The following WDR25 variants were observed in gnomAD, a reference collection of about 807,000 sequenced individuals.
The protein encoded by WDR25 is WD repeat-containing protein 25.
WDR25 carries 35 observed loss-of-function variants against 47.7 expected under a neutral mutation model. That is an observed-to-expected ratio of 0.73 (90% confidence interval 0.56 to 0.97). The LOEUF (loss-of-function observed/expected upper bound fraction) is 0.97, where lower values mean the gene tolerates loss of function less well. Among genes scored for constraint, WDR25 ranks in the 50% least tolerant of loss-of-function variants. The probability of loss-of-function intolerance (pLI) is 0.00; values close to 1 mark genes in which losing one functional copy is unlikely to be tolerated. For missense variants in WDR25, 634 were observed against 704.7 expected (o/e 0.90, Z 1.14); for synonymous variants, 248 against 278.9 (o/e 0.89, Z 1.10).
chr14:100,526,031 G>T lies in WDR25; in HGVS notation c.1263G>T (p.Gln421His). 6.2e-7 allele frequency: 1 copy of T among 1,614,016 alleles called. No homozygotes were observed. The change falls in exon 5 of 7, where the codon CAG becomes CAT. Residue 421 changes from glutamine to histidine, a missense_variant. Gln to His is a conservative substitution (Grantham distance 24). Transcript: ENST00000402312. ...GGACCTCTGCCAAAATCTCCAACCA[G>T]ATTTTCCACGTAAGAAATCCCATTT... Reference protein sequence around the residue: ...DFRTSAKISNQIFHERFTCPS... With the variant: ...DFRTSAKISNHIFHERFTCPS...
At chr14:100,413,692 C>T (rs1002656518) in intron 2 of WDR25, among the ~76,000 whole-genome samples, 7 of 152,166 alleles carry the variant, frequency 4.6e-5, no homozygotes, top group Non-Finnish European at 7.4e-5. Context: ...GGATTACAGG[C>T]GTGAGCCACC....
At chr14:100,450,756 T>C (rs1899002137) in intron 2 of WDR25, among the ~76,000 whole-genome samples, 2 of 152,164 alleles carry the variant, frequency 1.3e-5, no homozygotes, top group Non-Finnish European at 2.9e-5. Flanking sequence ...CCCGCAGTTA[T>C]TGAGAGAGGG....
chr14:100,522,676 G>A (rs2029916940), intron 4 of WDR25, among the ~76,000 whole-genome samples: 1 of 152,208 alleles, frequency 6.6e-6, no homozygotes, highest in Admixed American at 6.5e-5. Context: ...TCAGCTGGAG[G>A]TCCTGTTGTT....
At chr14:100,436,485 G>A (rs1253434167) in intron 2 of WDR25, among the ~76,000 whole-genome samples, 1 of 152,196 alleles carries the variant, frequency 6.6e-6, no homozygotes, top group Non-Finnish European at 1.5e-5. Flanking sequence ...TGTTTTGATG[G>A]CATCTTAATG....
intron 2 of WDR25, chr14:100,454,361 G>A (rs942266800): frequency 9.3e-6 from 12 of 1,286,210 alleles, no homozygotes; most frequent in Non-Finnish European, 1.1e-5. Context: ...TATGTGTATG[G>A]CAGGTGTGAG....
intron 2 of WDR25, among the ~76,000 whole-genome samples, chr14:100,467,678 G>T (rs996758051): frequency 1.3e-5 from 2 of 151,946 alleles, no homozygotes; most frequent in Non-Finnish European, 2.9e-5. Context: ...TAGAGAAAAG[G>T]TTTCACCATG....
chr14:100,389,515 G>C (rs1359073723), intron 2 of WDR25, among the ~76,000 whole-genome samples: 1 of 152,156 alleles, frequency 6.6e-6, no homozygotes, highest in Non-Finnish European at 1.5e-5. Flanking sequence ...CTCATATACT[G>C]GGGGGAGTGG....
Position 100,503,226 on chromosome 14 carries a change from T to A in WDR25, c.1101+19102T>A, listed in dbSNP as rs536781885. Among the ~76,000 whole-genome samples the A allele has an allele frequency of 9.9e-5, 15 of 152,172 alleles. No individual in the cohort carries two copies. The East Asian group carries it at 2.9e-3, about 30-fold the overall frequency. The stretch of plus-strand genomic sequence containing the variant: ...TTAGAGATAAGGGAGACCTCCCCAG[T>A]CACGCCCAGCATGCTGTCACCATTG... On this transcript the variant is annotated intron_variant, in intron 4 of 6. Coordinates refer to ENST00000402312, the MANE Select transcript of WDR25 (RefSeq NM_001161476.3).
rs368521904 is a variant in WDR25 at position 100,392,084 on chromosome 14, CAT to C, written c.822+10339_822+10340del. ...TATAAGAATGTGCTATTTCTGTTAA[CAT>C]GTGGGGGGTTTGTTACTGTTACTTT... On this transcript the variant is annotated intron_variant, in intron 2 of 6. Coordinates refer to ENST00000402312, the MANE Select transcript of WDR25 (RefSeq NM_001161476.3). The surrounding 1 kb of genome is among the most constrained non-coding windows in gnomAD (Gnocchi z 4.2). 3.6e-3 allele frequency among the ~76,000 whole-genome samples: 546 copies of C among 152,280 alleles called. 1 individual carries two copies. Among genetic ancestry groups the C allele is most frequent in the Admixed American group, 0.011 (161 of 15,294 alleles).
At chr14:100,473,074 T>G (rs1899898494) in intron 3 of WDR25, among the ~76,000 whole-genome samples, 1 of 152,216 alleles carries the variant, frequency 6.6e-6, no homozygotes, top group Non-Finnish European at 1.5e-5. Context: ...GTCTCTCCCT[T>G]GTTTTCAATC....
At chr14:100,510,460 G>C (rs1901269329) in intron 4 of WDR25, among the ~76,000 whole-genome samples, 1 of 150,714 alleles carries the variant, frequency 6.6e-6, no homozygotes, top group African/African-American at 2.4e-5. Context: ...TTTTGGCCGG[G>C]CACAGTGGTT....
At chr14:100,476,079 G>A (rs1370229817) in intron 3 of WDR25, among the ~76,000 whole-genome samples, 5 of 152,180 alleles carry the variant, frequency 3.3e-5, no homozygotes, top group African/African-American at 7.2e-5. Flanking sequence ...CCTATCAGTT[G>A]TCTGGGGCTT....
intron 3 of WDR25, among the ~76,000 whole-genome samples, chr14:100,479,572 C>T (rs141293234): frequency 3.9e-5 from 6 of 152,164 alleles, no homozygotes; most frequent in Non-Finnish European, 8.8e-5. Flanking sequence ...TCCTTGATGA[C>T]TTAAAAAATC....
At chr14:100,396,679 G>A (rs887812407) in intron 2 of WDR25, among the ~76,000 whole-genome samples, 2 of 152,218 alleles carry the variant, frequency 1.3e-5, no homozygotes, top group African/African-American at 2.4e-5. Context: ...AGCTGCCCAG[G>A]GAGGAGATGA....
At chr14:100,486,941 G>A (rs1900406815) in intron 4 of WDR25, among the ~76,000 whole-genome samples, 1 of 152,134 alleles carries the variant, frequency 6.6e-6, no homozygotes, top group Admixed American at 6.5e-5. Context: ...AGTCCAAGCA[G>A]CCAAAGGTAA....
At position 100,488,613 on chromosome 14, in the gene WDR25, A is replaced by G. The variant is rs921010960; in HGVS notation, c.1101+4489A>G. 6.6e-6 allele frequency among the ~76,000 whole-genome samples: 1 copy of G among 152,174 alleles called. No individual in the cohort carries two copies. Among genetic ancestry groups the G allele is most frequent in the Non-Finnish European group, 1.5e-5 (1 of 68,024 alleles). ...GTAGGAGAGCACCTGGGCTCTTGTT[A>G]GGATGCAGATTCTGTTTCAGCAGGT... is the stretch of plus-strand genomic sequence containing the variant. On this transcript the variant is annotated intron_variant, in intron 4 of 6. Transcript: ENST00000402312. This position sits in a 1 kb window ranked among gnomAD's most constrained non-coding sequence, Gnocchi z 4.2.
In WDR25 at chr14:100,529,461, G is replaced by A. The variant is rs188787750; in HGVS notation, c.1413+253G>A. On this transcript the variant is annotated intron_variant, in intron 6 of 6. Coordinates refer to ENST00000402312, the MANE Select transcript of WDR25 (RefSeq NM_001161476.3). The surrounding 1 kb of genome is among the most constrained non-coding windows in gnomAD (Gnocchi z 5.1). The stretch of plus-strand genomic sequence containing the variant: ...CACAGACAGGTCTCAGAAGTGGGGG[G>A]CAGGAACAGGACAAAATGGTCATGG... 3.1e-5 allele frequency: 19 copies of A among 608,518 alleles called. No individual in the cohort carries two copies. The African/African-American group carries it at 3.5e-4, about 11-fold the overall frequency. 37.7% of individuals were successfully genotyped at this position (608,518 alleles called of 1,614,324 possible). A position where few individuals can be genotyped will look rare whatever the true frequency, so the allele number is the denominator to read the frequency against.
At chr14:100,489,812 T>C (rs896056874) in intron 4 of WDR25, among the ~76,000 whole-genome samples, 2 of 152,158 alleles carry the variant, frequency 1.3e-5, no homozygotes, top group African/African-American at 4.8e-5. Context: ...CTGCCAACTT[T>C]ACTCCTCCAG....
chr14:100,486,060 C>A (rs1389904750), intron 4 of WDR25, among the ~76,000 whole-genome samples: 23 of 144,948 alleles, frequency 1.6e-4, no homozygotes, highest in Admixed American at 9.4e-4. Context: ...AAAAAAAAAA[C>A]CGCCAAAACA....
Sources: allele counts gnomAD v4.1 joint callset (sites outside exome capture counted in the v4.1 genomes callset), GRCh38; gene constraint gnomAD v4.1.1; non-coding constraint Gnocchi (gnomAD v3.1); transcripts MANE v1.5; gene names NCBI Gene and HGNC (gene_info 2026-07-23, HGNC 2026-07-21).